CHRM4: variants seen among roughly 807,000 people sequenced by gnomAD.
CHRM4 encodes the protein cholinergic receptor muscarinic 4.
Under a neutral mutation model 26.3 loss-of-function variants are expected in CHRM4, and 5 were observed. The observed-to-expected ratio is 0.19, with a 90% CI of 0.10 to 0.40. CHRM4 has a LOEUF of 0.40. Ranked by LOEUF, CHRM4 falls within the 10% of genes least tolerant of loss-of-function variation. The probability of loss-of-function intolerance (pLI) is 1.00; values close to 1 mark genes in which losing one functional copy is unlikely to be tolerated. For missense variants in CHRM4, 402 were observed against 664.5 expected (o/e 0.60, Z 4.34); for synonymous variants, 290 against 285.3 (o/e 1.02, Z -0.16).
In CHRM4 at chr11:46,385,394, C is replaced by T. The variant is rs201814205; in HGVS notation, c.1164G>A (p.Lys388=). Residue 388 remains lysine, a synonymous_variant, in exon 2 of 2, where the codon AAG becomes AAA. Transcript: ENST00000682254. The surrounding 1 kb of genome is among the most constrained non-coding windows in gnomAD (Gnocchi z 6.3). ...ASIARNQVRK[K]RQMAARERKV... The stretch of plus-strand genomic sequence containing the variant: ...TGCGCTCCCGGGCCGCCATCTGCCG[C>T]TTCTTGCGCACCTGGTTGCGAGCGA... The T allele has an allele frequency of 1.4e-4, 228 of 1,610,196 alleles. No individual in the cohort carries two copies. The South Asian group carries it at 2.3e-3, about 16-fold the overall frequency.
chr11:46,384,870 C>A lies in CHRM4; in HGVS notation c.*248G>T, dbSNP rs942825167. On this transcript the variant is annotated 3_prime_UTR_variant, in exon 2 of 2. Coordinates refer to ENST00000682254, the MANE Select transcript of CHRM4 (RefSeq NM_000741.5). ...GGTGCCCACCCAGGCCAGTGCCCCG[C>A]AGCTCGCTGAAGCAGGGCCACAGAG... 6.6e-6 allele frequency among the ~76,000 whole-genome samples: 1 copy of A among 152,268 alleles called. No homozygotes were observed. The highest frequency in any genetic ancestry group is 2.4e-5 in the African/African-American group (1 of 41,472).
In CHRM4 at chr11:46,385,089, C is replaced by A; in HGVS notation, c.*29G>T. The A allele has an allele frequency of 6.4e-7, 1 of 1,561,184 alleles. No homozygotes were observed. Among genetic ancestry groups the A allele is most frequent in the Non-Finnish European group, 8.7e-7 (1 of 1,147,504 alleles). ...GTCCCCCCAGCACACGCACGCAACA[C>A]CAGCACCTCCTAGGGCACTCCTGCC... On this transcript the variant is annotated 3_prime_UTR_variant, in exon 2 of 2. Transcript: ENST00000682254. This position sits in a 1 kb window ranked among gnomAD's most constrained non-coding sequence, Gnocchi z 6.3.
Position 46,383,813 on chromosome 11 carries a change from C to CT in CHRM4, c.*1304dup, listed in dbSNP as rs1565102935. 1 of 431,748 alleles carries CT rather than the reference C, an allele frequency of 2.3e-6. No individual in the cohort carries two copies. The highest frequency in any genetic ancestry group is 4.4e-6 in the Non-Finnish European group (1 of 228,152). 26.7% of individuals were successfully genotyped at this position (431,748 alleles called of 1,614,324 possible). On this transcript the variant is annotated 3_prime_UTR_variant, in exon 2 of 2. Coordinates refer to ENST00000682254, the MANE Select transcript of CHRM4 (RefSeq NM_000741.5). ...CTTTTTCCCCCCAATAAAAGCTCTT[C>CT]TTTTTTAATATATAAAAGCCCCTTC...
In CHRM4 at chr11:46,385,367, T is replaced by C. The variant is rs1945323509; in HGVS notation, c.1191A>G (p.Lys397=). ...KKRQMAARER[K]VTRTIFAILL... ...GAATGGCAAAGATCGTTCGTGTCAC[T>C]TTGCGCTCCCGGGCCGCCATCTGCC... The change falls in exon 2 of 2, where the codon AAA becomes AAG. Residue 397 remains lysine, a synonymous_variant. Coordinates refer to ENST00000682254, the MANE Select transcript of CHRM4 (RefSeq NM_000741.5). The surrounding 1 kb of genome is among the most constrained non-coding windows in gnomAD (Gnocchi z 6.3). 1.2e-6 allele frequency: 2 copies of C among 1,610,154 alleles called. No homozygotes were observed. Among genetic ancestry groups the C allele is most frequent in the Non-Finnish European group, 1.7e-6 (2 of 1,176,748 alleles).
At chr11:46,389,152 C>A (rs562152964) in intron 1 of CHRM4, among the ~76,000 whole-genome samples, 5 of 152,346 alleles carry the variant, frequency 3.3e-5, no homozygotes, top group African/African-American at 1.2e-4. Flanking sequence ...CAAGGTGCTA[C>A]TGCTCAGAGT....
At position 46,386,506 on chromosome 11, in the gene CHRM4, G is replaced by T. The variant is rs769364189; in HGVS notation, c.52C>A (p.Leu18Met). 5.6e-6 allele frequency: 9 copies of T among 1,613,550 alleles called. No homozygotes were observed. In the South Asian group the frequency reaches 9.9e-5, roughly 18 times the overall value. Residue 18 changes from leucine (L) to methionine (M), a missense_variant, in exon 2 of 2, where the codon CTG becomes ATG. By Grantham distance (15) the Leu-to-Met change is conservative. This residue lies in a region of CHRM4 where 92 missense variants were observed against 133.1 expected (regional missense o/e 0.69). Transcript: ENST00000682254. The surrounding 1 kb of genome is among the most constrained non-coding windows in gnomAD (Gnocchi z 5.8). ...NGSSGNQSVR[L>M]VTSSSHNRYE... ...CGATTGTGGGATGATGACGTGACCA[G>T]GCGCACGGACTGATTGCCCGAGCTG...
rs1289320960 is a variant in CHRM4 at position 46,385,508 on chromosome 11, G to A, written c.1050C>T (p.Gly350=). 1 of 1,589,164 alleles carries A rather than the reference G, an allele frequency of 6.3e-7. No individual in the cohort carries two copies. Among genetic ancestry groups the A allele is most frequent in the African/African-American group, 1.3e-5 (1 of 74,640 alleles). Residue 350 remains glycine, a synonymous_variant, in exon 2 of 2, where the codon GGC becomes GGT. Coordinates refer to ENST00000682254, the MANE Select transcript of CHRM4 (RefSeq NM_000741.5). The surrounding 1 kb of genome is among the most constrained non-coding windows in gnomAD (Gnocchi z 6.3). ...TCTCAATGGCTGTCACACACTCATT[G>A]CCTGTCTGCTTCGTCACAATCTGGA... ...SKIQIVTKQT[G]NECVTAIEIV...
chr11:46,385,075 A>C lies in CHRM4; in HGVS notation c.*43T>G. ...AAGTGAGCCGTGTGGTCCCCCCAGC[A>C]CACGCACGCAACACCAGCACCTCCT... On this transcript the variant is annotated 3_prime_UTR_variant, in exon 2 of 2. Coordinates refer to ENST00000682254, the MANE Select transcript of CHRM4 (RefSeq NM_000741.5). The surrounding 1 kb of genome is among the most constrained non-coding windows in gnomAD (Gnocchi z 6.3). The C allele has an allele frequency of 6.5e-7, 1 of 1,531,228 alleles. No homozygotes were observed. The highest frequency in any genetic ancestry group is 1.2e-5 in the South Asian group (1 of 80,750). The allele number at this position is 1,531,228 out of a possible 1,614,324, so 94.9% of individuals were successfully genotyped here.
chr11:46,388,384 A>T (rs1307325738), intron 1 of CHRM4, among the ~76,000 whole-genome samples: 1 of 152,224 alleles, frequency 6.6e-6, no homozygotes, highest in Non-Finnish European at 1.5e-5. Flanking sequence ...CATCCTCCCC[A>T]GCAGCTATAG....
chr11:46,391,676 C>T lies in CHRM4; in HGVS notation c.-175G>A, dbSNP rs1945394937. ...ACAGACGGCGGGACGGACGCGCGGC[C>T]CCGCGGGCCGGCGGGGCGGGCGGCC... On this transcript the variant is annotated 5_prime_UTR_variant, in exon 1 of 2. Coordinates refer to ENST00000682254, the MANE Select transcript of CHRM4 (RefSeq NM_000741.5). The surrounding 1 kb of genome is among the most constrained non-coding windows in gnomAD (Gnocchi z 6.3). Among the ~76,000 whole-genome samples the T allele has an allele frequency of 6.7e-6, 1 of 149,058 alleles. No homozygotes were observed.
Position 46,386,294 on chromosome 11 carries a change from G to C in CHRM4, c.264C>G (p.Leu88=), listed in dbSNP as rs201864353. Residue 88 remains leucine (L), a synonymous_variant, in exon 2 of 2, where the codon CTC becomes CTG. Transcript: ENST00000682254. The surrounding 1 kb of genome is among the most constrained non-coding windows in gnomAD (Gnocchi z 5.8). ...DLIIGAFSMN[L]YTVYIIKGYW... is the part of the protein sequence containing the mutation. ...AGCCCTTGATGATGTACACGGTGTA[G>C]AGGTTCATGGAGAAGGCGCCTATGA... 83 of 1,613,826 alleles carry C rather than the reference G, an allele frequency of 5.1e-5. 1 individual carries two copies. Among genetic ancestry groups the C allele is most frequent in the South Asian group, 4.2e-4 (38 of 91,088 alleles).
At position 46,385,880 on chromosome 11, in the gene CHRM4, G is replaced by A; in HGVS notation, c.678C>T (p.Val226=). 6.2e-7 allele frequency: 1 copy of A among 1,610,366 alleles called. No homozygotes were observed. Among genetic ancestry groups the A allele is most frequent in the South Asian group, 1.1e-5 (1 of 90,602 alleles). ...TCGGGCCCTCGGGCCGGTGCTTGTG[G>A]ACTCGGCTGCGACTGGCCAGGGAGA... ...IHISLASRSR[V]HKHRPEGPKE... is the part of the protein sequence containing the mutation. Residue 226 remains valine (V), a synonymous_variant, in exon 2 of 2, where the codon GTC becomes GTT. Coordinates refer to ENST00000682254, the MANE Select transcript of CHRM4 (RefSeq NM_000741.5). This position sits in a 1 kb window ranked among gnomAD's most constrained non-coding sequence, Gnocchi z 6.3.
At position 46,386,478 on chromosome 11, in the gene CHRM4, T is replaced by C; in HGVS notation, c.80A>G (p.Tyr27Cys). The C allele has an allele frequency of 1.2e-6, 2 of 1,613,632 alleles. No homozygotes were observed. The highest frequency in any genetic ancestry group is 1.7e-6 in the Non-Finnish European group (2 of 1,179,864). Residue 27 changes from tyrosine (Y) to cysteine (C), a missense_variant, in exon 2 of 2, where the codon TAT becomes TGT. Around this residue, in one of 5 missense-constraint regions of CHRM4, gnomAD observed 92 missense variants for 133.1 expected, o/e 0.69. Coordinates refer to ENST00000682254, the MANE Select transcript of CHRM4 (RefSeq NM_000741.5). This position sits in a 1 kb window ranked among gnomAD's most constrained non-coding sequence, Gnocchi z 5.8. The stretch of plus-strand genomic sequence containing the variant: ...AATGAAGACCATTTCCACCGTCTCA[T>C]AGCGATTGTGGGATGATGACGTGAC... ...RLVTSSSHNR[Y>C]ETVEMVFIAT...
At position 46,391,337 on chromosome 11, in the gene CHRM4, G is replaced by C. The variant is rs1473667044; in HGVS notation, c.-30+194C>G. 6.6e-6 allele frequency among the ~76,000 whole-genome samples: 1 copy of C among 152,078 alleles called. No individual in the cohort carries two copies. The highest frequency in any genetic ancestry group is 2.4e-5 in the African/African-American group (1 of 41,424). The stretch of plus-strand genomic sequence containing the variant: ...GGCTGCCCCTGGCTCCGTGGGGTCT[G>C]TGGGCGGGCAATCCCCCGCCCCCGA... On this transcript the variant is annotated intron_variant, in intron 1 of 1. Transcript: ENST00000682254. The surrounding 1 kb of genome is among the most constrained non-coding windows in gnomAD (Gnocchi z 6.3).
At chr11:46,389,259 T>G (rs1945370951) in intron 1 of CHRM4, among the ~76,000 whole-genome samples, 1 of 152,246 alleles carries the variant, frequency 6.6e-6, no homozygotes, top group African/African-American at 2.4e-5. Context: ...TCCTGCTGGC[T>G]TCTCGACTTA....
Position 46,385,466 on chromosome 11 carries a change from C to G in CHRM4, c.1092G>C (p.Pro364=). Reference sequence around the variant, plus strand: ...CGTTGGCCGCAGGGCGCATGCCAGCCGGCGTGGCAGGCACAATCTCAATGG... The same window carrying G: ...CGTTGGCCGCAGGGCGCATGCCAGCGGGCGTGGCAGGCACAATCTCAATGG... ...VTAIEIVPAT[P]AGMRPAANVA... is the part of the protein sequence containing the mutation. The change falls in exon 2 of 2, where the codon CCG becomes CCC. Residue 364 remains proline, a synonymous_variant. Coordinates refer to ENST00000682254, the MANE Select transcript of CHRM4 (RefSeq NM_000741.5). The surrounding 1 kb of genome is among the most constrained non-coding windows in gnomAD (Gnocchi z 6.3). 6.2e-7 allele frequency: 1 copy of G among 1,600,810 alleles called. No homozygotes were observed. Among genetic ancestry groups the G allele is most frequent in the Non-Finnish European group, 8.6e-7 (1 of 1,169,294 alleles).
intron 1 of CHRM4, among the ~76,000 whole-genome samples, chr11:46,389,653 G>C (rs1945374177): frequency 6.6e-6 from 1 of 152,210 alleles, no homozygotes; most frequent in African/African-American, 2.4e-5. Flanking sequence ...CAATGCGACT[G>C]CGAACCCAGA....
rs1175396144 is a variant in CHRM4, at chr11:46,391,697, C to A, written c.-196G>T. Among the ~76,000 whole-genome samples the A allele has an allele frequency of 6.7e-6, 1 of 148,398 alleles. No individual in the cohort carries two copies. The highest frequency in any genetic ancestry group is 6.7e-5 in the Admixed American group (1 of 14,968). On this transcript the variant is annotated 5_prime_UTR_variant, in exon 1 of 2. Transcript: ENST00000682254. The surrounding 1 kb of genome is among the most constrained non-coding windows in gnomAD (Gnocchi z 6.3). ...CGGCCCCGCGGGCCGGCGGGGCGGG[C>A]GGCCGGGCCGAGGGCCGGGGGCGGG...
Position 46,386,405 on chromosome 11 carries a change from G to A in CHRM4, c.153C>T (p.Ile51=), listed in dbSNP as rs1208357955. ...TGACCTTGATGGACAGCATCACCAGGATGTTGCCCACGACAGTCACCAGGC... is the reference window on the plus strand; with the variant it reads ...TGACCTTGATGGACAGCATCACCAGAATGTTGCCCACGACAGTCACCAGGC... ...SLSLVTVVGN[I]LVMLSIKVNR... is the part of the protein sequence containing the mutation. The change falls in exon 2 of 2, where the codon ATC becomes ATT. Residue 51 remains isoleucine (I), a synonymous_variant. Coordinates refer to ENST00000682254, the MANE Select transcript of CHRM4 (RefSeq NM_000741.5). The surrounding 1 kb of genome is among the most constrained non-coding windows in gnomAD (Gnocchi z 5.8). The A allele has an allele frequency of 1.2e-6, 2 of 1,613,882 alleles. No individual in the cohort carries two copies. The highest frequency in any genetic ancestry group is 4.5e-5 in the East Asian group (2 of 44,904).
Sources: allele counts gnomAD v4.1 joint callset (sites outside exome capture counted in the v4.1 genomes callset), GRCh38; gene constraint gnomAD v4.1.1; regional missense constraint gnomAD v4.1.1; non-coding constraint Gnocchi (gnomAD v3.1); transcripts MANE v1.5; gene names NCBI Gene and HGNC (gene_info 2026-07-23, HGNC 2026-07-21).